The following NMT2 variants were observed in gnomAD, a reference collection of about 807,000 sequenced individuals.
NMT2 encodes the protein glycylpeptide N-tetradecanoyltransferase 2.
NMT2 carries 35 observed loss-of-function variants against 65.4 expected under a neutral mutation model. The ratio of observed to expected loss-of-function variants is 0.54; its 90% CI spans 0.41 to 0.71. The LOEUF (loss-of-function observed/expected upper bound fraction) is 0.71, where lower values mean the gene tolerates loss of function less well. Ranked by LOEUF, NMT2 falls within the 30% of genes least tolerant of loss-of-function variation. The pLI, the probability that NMT2 is intolerant of heterozygous loss-of-function variation, is 0.00. For synonymous variants in NMT2, 226 were observed against 231.8 expected (o/e 0.98, Z 0.23); for missense variants, 489 against 611.3 (o/e 0.80, Z 2.11).
chr10:15,152,602 C>T (rs1172259903), intron 1 of NMT2, among the ~76,000 whole-genome samples: 4 of 152,228 alleles, frequency 2.6e-5, no homozygotes, highest in Non-Finnish European at 5.9e-5. Flanking sequence ...AGAACCTTCC[C>T]CAGCCTTCTG....
rs1183631126 is a variant in NMT2, at chr10:15,133,315, A to C, written c.440T>G (p.Val147Gly). The change falls in exon 4 of 12, where the codon GTA becomes GGA. Residue 147 changes from valine to glycine, a missense_variant. Coordinates refer to ENST00000378165, the MANE Select transcript of NMT2 (RefSeq NM_004808.3). The stretch of plus-strand genomic sequence containing the variant: ...TGGCAAAGAATACGGTTCTTGGCGT[A>C]CGTTGTCTTTATCTGGTTCAATTGC... ...HGAIEPDKDN[V>G]RQEPYSLPQG... 6.2e-7 allele frequency: 1 copy of C among 1,614,184 alleles called. No individual in the cohort carries two copies. The highest frequency in any genetic ancestry group is 8.5e-7 in the Non-Finnish European group (1 of 1,180,004).
intron 2 of NMT2, among the ~76,000 whole-genome samples, chr10:15,139,548 C>T (rs966651878): frequency 6.6e-6 from 1 of 151,898 alleles, no homozygotes; most frequent in Non-Finnish European, 1.5e-5. Context: ...CATTTAGAAA[C>T]GGGAAGAGTG....
intron 8 of NMT2, among the ~76,000 whole-genome samples, chr10:15,119,809 A>C (rs368997026): frequency 1.3e-5 from 2 of 152,222 alleles, no homozygotes; most frequent in East Asian, 3.9e-4. Context: ...ACTACTGCCC[A>C]TGACCCAAAC....
intron 1 of NMT2, among the ~76,000 whole-genome samples, chr10:15,152,244 G>A (rs1179076957): frequency 6.6e-6 from 1 of 152,204 alleles, no homozygotes; most frequent in African/African-American, 2.4e-5. Flanking sequence ...AAAGGTGAAC[G>A]TGGAGTCCTC....
intron 8 of NMT2, among the ~76,000 whole-genome samples, chr10:15,124,028 C>A (rs1444844734): frequency 6.6e-6 from 1 of 152,140 alleles, no homozygotes; most frequent in Non-Finnish European, 1.5e-5. Flanking sequence ...ACTAAAAAAA[C>A]CATCTAATGC....
intron 1 of NMT2, among the ~76,000 whole-genome samples, chr10:15,153,551 T>C (rs1266896699): frequency 6.6e-6 from 1 of 152,242 alleles, no homozygotes; most frequent in African/African-American, 2.4e-5. Context: ...ACAGCTGACC[T>C]CTGAATACGT....
At position 15,112,787 on chromosome 10, in the gene NMT2, G is replaced by C; in HGVS notation, c.1338+9C>G. On this transcript the variant is annotated intron_variant, in intron 10 of 11. Coordinates refer to ENST00000378165, the MANE Select transcript of NMT2 (RefSeq NM_004808.3). ...AACCAAACGGCGTGAACAGGAAGGA[G>C]TGGCTTACCGATTTAGCCAGGATGA... 6.2e-7 allele frequency: 1 copy of C among 1,605,530 alleles called. No homozygotes were observed. The highest frequency in any genetic ancestry group is 8.5e-7 in the Non-Finnish European group (1 of 1,175,508).
chr10:15,159,383 A>G (rs1193295322), intron 1 of NMT2, among the ~76,000 whole-genome samples: 1 of 139,390 alleles, frequency 7.2e-6, no homozygotes, highest in Non-Finnish European at 1.6e-5. Flanking sequence ...TATTTAAATA[A>G]AACCTCCTTA....
At chr10:15,140,179 G>A in intron 2 of NMT2, among the ~76,000 whole-genome samples, 1 of 152,080 alleles carries the variant, frequency 6.6e-6, no homozygotes, top group East Asian at 1.9e-4. Flanking sequence ...CTGCAGTGCA[G>A]TGGCGTGATC....
chr10:15,129,050 G>T (rs1846188916), intron 7 of NMT2, among the ~76,000 whole-genome samples: 2 of 152,114 alleles, frequency 1.3e-5, no homozygotes, highest in African/African-American at 4.8e-5. Context: ...AGGTTTCCAA[G>T]TGTGTAAGGA....
At chr10:15,152,280 A>C (rs569892535) in intron 1 of NMT2, among the ~76,000 whole-genome samples, 1 of 152,334 alleles carries the variant, frequency 6.6e-6, no homozygotes, top group African/African-American at 2.4e-5. Flanking sequence ...TGCACCTCCC[A>C]GATTCAAAAG....
intron 9 of NMT2, among the ~76,000 whole-genome samples, chr10:15,116,790 T>C (rs1845762118): frequency 7.0e-6 from 1 of 143,070 alleles, no homozygotes; most frequent in South Asian, 2.2e-4. Context: ...AAAATGAACA[T>C]TAATTACACT....
At chr10:15,114,948 G>A (rs551943836) in intron 9 of NMT2, among the ~76,000 whole-genome samples, 1 of 152,206 alleles carries the variant, frequency 6.6e-6, no homozygotes, top group African/African-American at 2.4e-5. Context: ...GTTGCAGTGA[G>A]CAGAGATTGC....
At chr10:15,160,951 C>T (rs1439872473) in intron 1 of NMT2, among the ~76,000 whole-genome samples, 1 of 151,112 alleles carries the variant, frequency 6.6e-6, no homozygotes, top group Non-Finnish European at 1.5e-5. Context: ...AGCATCTGGC[C>T]AGGCACAGTG....
chr10:15,127,894 T>C (rs1227231844), intron 8 of NMT2, among the ~76,000 whole-genome samples: 1 of 124,806 alleles, frequency 8.0e-6, no homozygotes, highest in Non-Finnish European at 1.5e-5. Flanking sequence ...AGCAAGACTG[T>C]CTCCAAAAAA....
chr10:15,168,433 C>G (rs747230546), intron 1 of NMT2, 70 bp downstream of exon 1: 17 of 1,195,086 alleles, frequency 1.4e-5, no homozygotes, highest in South Asian at 2.5e-5. Flanking sequence ...GGAGCCACCC[C>G]CGAACGGGAG....
chr10:15,154,388 T>C (rs796969427), intron 1 of NMT2, among the ~76,000 whole-genome samples: 6 of 152,310 alleles, frequency 3.9e-5, no homozygotes, highest in East Asian at 3.9e-4. Context: ...GGCTGTGTGG[T>C]GACCTGGAAA....
intron 3 of NMT2, among the ~76,000 whole-genome samples, chr10:15,133,930 G>C (rs550206272): frequency 6.6e-6 from 1 of 152,154 alleles, no homozygotes; most frequent in South Asian, 2.1e-4. Context: ...TTGTCATCCA[G>C]TGACAAAGAT....
chr10:15,137,126 G>A (rs1353339981), intron 2 of NMT2, among the ~76,000 whole-genome samples: 4 of 152,142 alleles, frequency 2.6e-5, no homozygotes, highest in African/African-American at 9.7e-5. Flanking sequence ...TTGGACTTCT[G>A]TTCCACTTGG....
Sources: gnomAD v4.1 joint callset for allele counts (sites outside exome capture counted in the v4.1 genomes callset) on GRCh38, gnomAD v4.1.1 for gene constraint, MANE v1.5 for transcripts, NCBI Gene and HGNC (gene_info 2026-07-23, HGNC 2026-07-21) for gene names.